MYOM1: variants seen among roughly 807,000 people sequenced by gnomAD.
MYOM1 encodes myomesin 1, also known as myomesin-1.
Under a neutral mutation model 205.3 loss-of-function variants are expected in MYOM1, and 164 were observed. The ratio of observed to expected loss-of-function variants is 0.80; its 90% confidence interval spans 0.70 to 0.91. MYOM1 has a LOEUF of 0.91. Ranked by LOEUF, MYOM1 falls within the 40% of genes least tolerant of loss-of-function variation. The pLI is 0.00. For missense variants in MYOM1, 2,011 were observed against 2,127.3 expected, an observed-to-expected ratio of 0.95 and a Z score of 1.08; for synonymous variants, 772 against 789.4, an observed-to-expected ratio of 0.98 and a Z score of 0.37.
At chr18:3,240,187 T>C in the MYOM1 span, among the ~76,000 whole-genome samples, 1 of 152,228 alleles carries the variant, frequency 6.6e-6, no homozygotes, top group African/African-American at 2.4e-5. Flanking sequence ...CGAACTATTA[T>C]AGTATCACTA....
At chr18:3,102,983 C>T (rs1366811046) in intron 22 of MYOM1, among the ~76,000 whole-genome samples, 1 of 129,390 alleles carries the variant, frequency 7.7e-6, no homozygotes, top group African/African-American at 2.7e-5. Flanking sequence ...TCATTCATGA[C>T]TTTTGTTTCA....
chr18:3,183,258 C>T (rs983368338), intron 5 of MYOM1, among the ~76,000 whole-genome samples: 6 of 152,188 alleles, frequency 3.9e-5, no homozygotes, highest in Non-Finnish European at 7.4e-5. Context: ...GAGGCCAGTG[C>T]TTAGACAGGC....
At chr18:3,092,331 C>T (rs1185759786) in intron 26 of MYOM1, among the ~76,000 whole-genome samples, 2 of 152,162 alleles carry the variant, frequency 1.3e-5, no homozygotes, top group Non-Finnish European at 1.5e-5. Flanking sequence ...GCTAGGACTA[C>T]AGGCACACAC....
chr18:3,100,232 C>T (rs1461023734), intron 24 of MYOM1, 29 bp from the exon 25 acceptor site: 1 of 1,613,788 alleles, frequency 6.2e-7, no homozygotes, highest in Non-Finnish European at 8.5e-7. Context: ...GGCAGTTAAA[C>T]CTTAAACTAC....
chr18:3,187,575 C>A lies in MYOM1; in HGVS notation c.834G>T (p.Glu278Asp). ...TGTGGGAGCGAGGTTTAATGATAAACTCAGGAGCATGGAGAAGATGGTCTT... is the reference window on the plus strand; with the variant it reads ...TGTGGGAGCGAGGTTTAATGATAAAATCAGGAGCATGGAGAAGATGGTCTT... Reference protein sequence around the residue: ...LNEDHLLHAPEFIIKPRSHTV... With the variant: ...LNEDHLLHAPDFIIKPRSHTV... The change falls in exon 5 of 38, where the codon GAG becomes GAT. Residue 278 changes from glutamate to aspartate, a missense_variant. Glu to Asp is a conservative substitution (Grantham distance 45). Transcript: ENST00000356443. The A allele has an allele frequency of 2.5e-6, 4 of 1,613,724 alleles. No homozygotes were observed. The South Asian group carries it at 4.4e-5, about 18-fold the overall frequency.
At chr18:3,216,223 C>T (rs866365092) in intron 1 of MYOM1, among the ~76,000 whole-genome samples, 52 of 152,132 alleles carry the variant, frequency 3.4e-4, no homozygotes, top group African/African-American at 1.1e-3. Flanking sequence ...GCCGAGGTTG[C>T]GCCACTGCAC....
chr18:3,110,893 G>A (rs2079516746), intron 22 of MYOM1, among the ~76,000 whole-genome samples: 2 of 151,068 alleles, frequency 1.3e-5, no homozygotes, highest in Non-Finnish European at 1.5e-5. Context: ...GAAAACTACG[G>A]TTCTAGCAGA....
At chr18:3,166,263 C>CTTTTTTTTTTTTTTTTTTTTTTTT (rs765532198) in intron 9 of MYOM1, among the ~76,000 whole-genome samples, 3 of 111,668 alleles carry the variant, frequency 2.7e-5, no homozygotes, top group Non-Finnish European at 5.3e-5. Context: ...TATCTCAAGT[C>CTTTTTTTTTTTTTTTTTTTTTTTT]TTTTTTTTTT....
intron 11 of MYOM1, among the ~76,000 whole-genome samples, chr18:3,153,454 T>C (rs1482450917): frequency 6.6e-6 from 1 of 152,096 alleles, no homozygotes; most frequent in African/African-American, 2.4e-5. Flanking sequence ...GCTTAATAAA[T>C]AATAGCCACA....
chr18:3,138,334 C>T (rs561425447), intron 14 of MYOM1, among the ~76,000 whole-genome samples: 1 of 150,824 alleles, frequency 6.6e-6, no homozygotes, highest in South Asian at 2.1e-4. Flanking sequence ...TTAAGTTTAT[C>T]AGTCCACCAC....
upstream of MYOM1, among the ~76,000 whole-genome samples, chr18:3,220,444 T>A (rs1048746464): frequency 3.9e-5 from 6 of 152,236 alleles, no homozygotes; most frequent in Non-Finnish European, 8.8e-5. Flanking sequence ...CGGTCACTAT[T>A]TCTCTCACTT....
chr18:3,102,727 G>A, intron 22 of MYOM1, 97 bp from the exon 23 acceptor site: 7 of 1,282,352 alleles, frequency 5.5e-6, no homozygotes, highest in East Asian at 2.3e-5. Context: ...CCTAAAGTAG[G>A]GCCCTGATCC....
intron 1 of MYOM1, chr18:3,217,073 G>A (rs777627183): frequency 1.3e-5 from 2 of 152,646 alleles, no homozygotes; most frequent in Non-Finnish European, 2.9e-5. Context: ...CCATCCATGA[G>A]CCGAGAAGAG....
At chr18:3,210,171 C>T (rs1013543813) in intron 2 of MYOM1, among the ~76,000 whole-genome samples, 1 of 152,168 alleles carries the variant, frequency 6.6e-6, no homozygotes, top group African/African-American at 2.4e-5. Context: ...GTCCACAAGG[C>T]AGATTTCTTT....
chr18:3,224,305 A>G (rs138692044), upstream of MYOM1, among the ~76,000 whole-genome samples: 289 of 152,276 alleles, frequency 1.9e-3, 2 homozygotes, highest in African/African-American at 6.7e-3. Flanking sequence ...TACAGGCATG[A>G]GCTACTGCAC....
chr18:3,087,844 G>A (rs965251203), intron 29 of MYOM1, among the ~76,000 whole-genome samples: 1 of 152,004 alleles, frequency 6.6e-6, no homozygotes, highest in African/African-American at 2.4e-5. Flanking sequence ...CGCCAAGCAA[G>A]ACCCACGATA....
In MYOM1 at chr18:3,201,540, A is replaced by T. The variant is rs138782717; in HGVS notation, c.291-7582T>A. On this transcript the variant is annotated intron_variant, in intron 2 of 37. Transcript: ENST00000356443. Reference sequence around the variant, plus strand: ...TACATACACACATACACACATGTACATGCACATATATGTATATAAGTTTAT... The same window carrying T: ...TACATACACACATACACACATGTACTTGCACATATATGTATATAAGTTTAT... 3.3e-3 allele frequency among the ~76,000 whole-genome samples: 505 copies of T among 152,294 alleles called. 2 individuals are homozygous for T. Among genetic ancestry groups the T allele is most frequent in the African/African-American group, 0.012 (484 of 41,562 alleles).
At chr18:3,246,656 A>C in the MYOM1 span, 1 of 152,264 alleles carries the variant, frequency 6.6e-6, no homozygotes, top group Non-Finnish European at 1.5e-5. Context: ...CGTTTACAGC[A>C]ACACTGTCCG....
chr18:3,085,023 C>A (rs1464423161), intron 31 of MYOM1, 22 bp downstream of exon 31: 1 of 1,567,764 alleles, frequency 6.4e-7, no homozygotes, highest in Non-Finnish European at 8.7e-7. Flanking sequence ...ACAAGACAGA[C>A]CCCAGCAGTT....
Sources: gnomAD v4.1 joint callset for allele counts (sites outside exome capture counted in the v4.1 genomes callset) on GRCh38, gnomAD v4.1.1 for gene constraint, MANE v1.5 for transcripts, NCBI Gene and HGNC (gene_info 2026-07-23, HGNC 2026-07-21) for gene names.